Variants in FRMPD4 observed in about 807,000 individuals in gnomAD.
FRMPD4 encodes FERM and PDZ domain-containing protein 4.
FRMPD4 carries 22 observed loss-of-function variants against 94.1 expected under a neutral mutation model. That is an observed-to-expected ratio of 0.23 (90% confidence interval 0.17 to 0.33). FRMPD4 has a LOEUF of 0.33. Ranked by LOEUF, FRMPD4 falls within the 10% of genes least tolerant of loss-of-function variation. The probability of loss-of-function intolerance (pLI) is 1.00; values close to 1 mark genes in which losing one functional copy is unlikely to be tolerated. For synonymous variants in FRMPD4, 631 were observed against 548.6 expected (o/e 1.15, Z -2.10); for missense variants, 1,111 against 1,339.9 (o/e 0.83, Z 2.67).
At chrX:12,703,709 T>C (rs1241433067) in intron 10 of FRMPD4, among the ~76,000 whole-genome samples, 1 of 111,980 alleles carries the variant, frequency 8.9e-6, no homozygotes, top group Non-Finnish European at 1.9e-5. Flanking sequence ...TCCCATTTGT[T>C]GTTGTTTTGT....
At chrX:11,902,417 G>C (rs2053943454) in intron 3 of FRMPD4, among the ~76,000 whole-genome samples, 1 of 111,815 alleles carries the variant, frequency 8.9e-6, no homozygotes, top group Non-Finnish European at 1.9e-5. Flanking sequence ...ATGGCAGAGA[G>C]AGAGCTAGAG....
At chrX:12,574,610 A>G (rs747088886) in intron 2 of FRMPD4, among the ~76,000 whole-genome samples, 24 of 110,544 alleles carry the variant, frequency 2.2e-4, no homozygotes, top group Non-Finnish European at 4.0e-4. Context: ...CAATCCTCCC[A>G]CTTCAGCCTC....
chrX:12,192,311 C>T (rs1307304767), intron 1 of FRMPD4, among the ~76,000 whole-genome samples: 3 of 111,872 alleles, frequency 2.7e-5, no homozygotes, highest in Non-Finnish European at 3.8e-5. Context: ...CTATATGGCA[C>T]GGCCATCCTT....
chrX:12,151,428 T>C (rs1216392831), intron 1 of FRMPD4, among the ~76,000 whole-genome samples: 1 of 111,462 alleles, frequency 9.0e-6, no homozygotes, highest in Admixed American at 9.5e-5. Flanking sequence ...GGTGGGTATA[T>C]ATTACCAAGT....
intron 2 of FRMPD4, among the ~76,000 whole-genome samples, chrX:12,556,811 C>T (rs1374554036): frequency 9.2e-6 from 1 of 108,931 alleles, no homozygotes; most frequent in Non-Finnish European, 1.9e-5. Context: ...GCAAAAACAG[C>T]TCACAAAAGA....
In FRMPD4 at chrX:12,138,996, A is replaced by T. The variant is rs1317094602; in HGVS notation, c.25A>T (p.Ile9Phe). ...CATGGATGTCTTCAGCTTTGTGAAGATTGCAAAGCTTTCGAGGTAGGGGCT... is the reference window on the plus strand; with the variant it reads ...CATGGATGTCTTCAGCTTTGTGAAGTTTGCAAAGCTTTCGAGGTAGGGGCT... MDVFSFVK[I>F]AKLSSHRTKS... is the part of the protein sequence containing the mutation. The change falls in exon 1 of 17, where the codon ATT (isoleucine) becomes TTT (phenylalanine). Residue 9 changes from isoleucine (I) to phenylalanine (F), a missense_variant. Physicochemically the swap from Ile to Phe is conservative, Grantham distance 21 (BLOSUM62 0). This residue lies in a region of FRMPD4 where 140 missense variants were observed against 165.9 expected (regional missense o/e 0.84). Coordinates refer to ENST00000675598, the MANE Select transcript of FRMPD4 (RefSeq NM_001368397.1). 5 of 1,168,809 alleles carry T rather than the reference A, an allele frequency of 4.3e-6. No individual in the cohort carries two copies. The South Asian group carries it at 1.0e-4, about 24-fold the overall frequency.
rs1419987616 is a variant in FRMPD4, at chrX:12,331,712, TA to T, written c.42-166966del. On this transcript the variant is annotated intron_variant, in intron 1 of 16. Transcript: ENST00000675598. ...ATATAATATATAAATATATAATATATAATTTATATATAGTATATAAATATAT... is the reference window on the plus strand; with the variant it reads ...ATATAATATATAAATATATAATATATATTTATATATAGTATATAAATATAT... Among the ~76,000 whole-genome samples the T allele has an allele frequency of 6.4e-3, 392 of 61,634 alleles. 18 individuals are homozygous for T. The highest frequency in any genetic ancestry group is 8.5e-3 in the Non-Finnish European group (327 of 38,328). 53.5% of individuals were successfully genotyped at this position (61,634 alleles called of 115,157 possible). A position where few individuals can be genotyped will look rare whatever the true frequency, so the allele number is the denominator to read the frequency against.
At chrX:11,852,797 A>T (rs745348909) in intron 1 of FRMPD4, among the ~76,000 whole-genome samples, 1 of 111,779 alleles carries the variant, frequency 8.9e-6, no homozygotes, top group Non-Finnish European at 1.9e-5. Flanking sequence ...AGACTCCTAC[A>T]CAATAATAGA....
intron 1 of FRMPD4, among the ~76,000 whole-genome samples, chrX:12,447,621 T>C (rs1168074650): frequency 1.8e-5 from 2 of 112,134 alleles, no homozygotes; most frequent in Non-Finnish European, 3.8e-5. Context: ...TTATGGTCTT[T>C]TATATTTCCC....
At chrX:12,437,638 A>C (rs765041747) in intron 1 of FRMPD4, among the ~76,000 whole-genome samples, 13 of 111,039 alleles carry the variant, frequency 1.2e-4, no homozygotes, top group Non-Finnish European at 1.7e-4. Context: ...TAAAGGTGTT[A>C]CTCCATTGTC....
At chrX:12,198,201 C>T (rs1314181431) in intron 1 of FRMPD4, among the ~76,000 whole-genome samples, 1 of 111,729 alleles carries the variant, frequency 9.0e-6, no homozygotes, top group Non-Finnish European at 1.9e-5. Flanking sequence ...ATAAGAAAAT[C>T]GTTCTCAGCC....
chrX:11,866,065 G>T (rs988323795), intron 2 of FRMPD4, among the ~76,000 whole-genome samples: 1 of 111,926 alleles, frequency 8.9e-6, no homozygotes, highest in African/African-American at 3.2e-5. Flanking sequence ...AGCAGAGAGG[G>T]TGGGCTTTTT....
chrX:11,848,635 G>A (rs2053599303), intron 1 of FRMPD4, among the ~76,000 whole-genome samples: 1 of 109,767 alleles, frequency 9.1e-6, no homozygotes, highest in African/African-American at 3.3e-5. Flanking sequence ...AGACTCTTCA[G>A]TCAATTTGGG....
intron 1 of FRMPD4, among the ~76,000 whole-genome samples, chrX:12,314,720 T>C (rs1283161519): frequency 9.0e-6 from 1 of 111,152 alleles, no homozygotes; most frequent in Non-Finnish European, 1.9e-5. Context: ...GTTAGACCTC[T>C]GTGTCTCTTT....
chrX:12,652,887 T>C (rs1464427913), intron 4 of FRMPD4, among the ~76,000 whole-genome samples: 2 of 112,012 alleles, frequency 1.8e-5, no homozygotes, highest in South Asian at 3.8e-4. Flanking sequence ...GGTTCTTCCA[T>C]TGGCCAAAGC....
At chrX:12,392,229 C>T (rs925376950) in intron 1 of FRMPD4, among the ~76,000 whole-genome samples, 5 of 106,717 alleles carry the variant, frequency 4.7e-5, no homozygotes, top group Non-Finnish European at 5.8e-5. Flanking sequence ...TGGGTAGAAA[C>T]GGGGTTTCAC....
chrX:12,562,056 C>A (rs1447787074), intron 2 of FRMPD4, among the ~76,000 whole-genome samples: 1 of 111,968 alleles, frequency 8.9e-6, no homozygotes, highest in African/African-American at 3.2e-5. Context: ...CCAATTCAGT[C>A]TCTTGAAGTA....
intron 3 of FRMPD4, among the ~76,000 whole-genome samples, chrX:11,921,625 G>A (rs943295051): frequency 1.8e-5 from 2 of 112,006 alleles, no homozygotes; most frequent in African/African-American, 6.5e-5. Flanking sequence ...CAGCTCTGTT[G>A]CTGGTCCATT....
intron 1 of FRMPD4, among the ~76,000 whole-genome samples, chrX:12,442,672 G>A (rs2057151583): frequency 9.0e-6 from 1 of 111,464 alleles, no homozygotes; most frequent in African/African-American, 3.3e-5. Context: ...AGTCTGACTG[G>A]CTGTTCCTCA....
Sources: gnomAD v4.1 joint callset for allele counts (sites outside exome capture counted in the v4.1 genomes callset) on GRCh38, gnomAD v4.1.1 for gene constraint, gnomAD v4.1.1 regional missense constraint, MANE v1.5 for transcripts, NCBI Gene and HGNC (gene_info 2026-07-23, HGNC 2026-07-21) for gene names.